The following ANKRD30A variants were observed in gnomAD, a reference collection of about 807,000 sequenced individuals.
The protein encoded by ANKRD30A is ankyrin repeat domain-containing protein 30A.
A neutral mutation model predicts 166.3 loss-of-function variants in ANKRD30A; 170 were observed. The ratio of observed to expected loss-of-function variants is 1.02; its 90% CI spans 0.90 to 1.16. ANKRD30A has a LOEUF of 1.16. ANKRD30A is among the 50% of genes most tolerant of loss of function. The pLI is 0.00. For synonymous variants in ANKRD30A, 564 were observed against 508.9 expected, an observed-to-expected ratio of 1.11 and a Z score of -1.46; for missense variants, 1,630 against 1,518.0, an observed-to-expected ratio of 1.07 and a Z score of -1.23.
the ANKRD30A span, among the ~76,000 whole-genome samples, chr10:37,241,760 A>G: frequency 6.6e-6 from 1 of 152,176 alleles, no homozygotes; most frequent in Non-Finnish European, 1.5e-5. Context: ...ATCTTTCCTC[A>G]TGAAAAAATA....
At chr10:37,139,925 CT>C (rs1836986018) in intron 6 of ANKRD30A, among the ~76,000 whole-genome samples, 2 of 152,190 alleles carry the variant, frequency 1.3e-5, no homozygotes, top group Non-Finnish European at 2.9e-5. Flanking sequence ...ATGAAAATCT[CT>C]TTCTTTTGAC....
the ANKRD30A span, among the ~76,000 whole-genome samples, chr10:37,251,657 A>AG: frequency 6.6e-6 from 1 of 152,228 alleles, no homozygotes; most frequent in Non-Finnish European, 1.5e-5. Context: ...GAGAGCCTCA[A>AG]GCATAAATCA....
At chr10:37,136,460 C>T (rs888322338) in intron 5 of ANKRD30A, 147 bp from the exon 6 acceptor site, 1 of 425,904 alleles carries the variant, frequency 2.3e-6, no homozygotes, top group Non-Finnish European at 4.3e-6. Flanking sequence ...ATAGAGCTTA[C>T]AAACTTAAAG....
intron 15 of ANKRD30A, among the ~76,000 whole-genome samples, chr10:37,159,068 T>C (rs1265594630): frequency 6.6e-6 from 1 of 152,180 alleles, no homozygotes; most frequent in Non-Finnish European, 1.5e-5. Context: ...AGTCAAGCAA[T>C]CATTACTTGA....
At chr10:37,229,330 T>A (rs1843309491) in intron 34 of ANKRD30A, among the ~76,000 whole-genome samples, 1 of 151,940 alleles carries the variant, frequency 6.6e-6, no homozygotes, top group South Asian at 2.1e-4. Context: ...CATGTTATTA[T>A]TTTTTTAATG....
chr10:37,257,063 T>TAAC, the ANKRD30A span, among the ~76,000 whole-genome samples: 1 of 152,094 alleles, frequency 6.6e-6, no homozygotes, highest in Non-Finnish European at 1.5e-5. Context: ...ATACTGGTTC[T>TAAC]ATTTCAGAAC....
chr10:37,129,268 G>A (rs1306708703), intron 1 of ANKRD30A, among the ~76,000 whole-genome samples: 1 of 152,042 alleles, frequency 6.6e-6, no homozygotes, highest in Non-Finnish European at 1.5e-5. Flanking sequence ...TTAAATTTCT[G>A]CCAAATATAG....
chr10:37,244,437 A>G, the ANKRD30A span, among the ~76,000 whole-genome samples: 1 of 151,980 alleles, frequency 6.6e-6, no homozygotes, highest in African/African-American at 2.4e-5. Context: ...GAACATTTAA[A>G]CTCCTCATAG....
At chr10:37,194,790 AAC>A (rs1378412387) in intron 27 of ANKRD30A, among the ~76,000 whole-genome samples, 1 of 152,164 alleles carries the variant, frequency 6.6e-6, no homozygotes, top group Non-Finnish European at 1.5e-5. Context: ...TTAACTCTAA[AAC>A]ACATTTAATT....
chr10:37,159,857 GC>G (rs1838713561), intron 15 of ANKRD30A, among the ~76,000 whole-genome samples: 1 of 152,044 alleles, frequency 6.6e-6, no homozygotes, highest in Non-Finnish European at 1.5e-5. Flanking sequence ...ACCATGCCCG[GC>G]TAATGTTTTG....
Position 37,141,920 on chromosome 10 carries a change from T to A in ANKRD30A, c.1023T>A (p.Cys341Ter). Residue 341 changes from cysteine to a stop codon, truncating the protein, a stop_gained, in exon 7 of 36, where the codon TGT (cysteine) becomes TGA (stop). Transcript: ENST00000361713. LOFTEE classifies it high-confidence loss of function. Reference sequence around the variant, plus strand: ...AGGGAACATCTGACAAAATTCAATGTTTGGAGAAAGCGACATCTGGAAAGT... The same window carrying A: ...AGGGAACATCTGACAAAATTCAATGATTGGAGAAAGCGACATCTGGAAAGT... ...LVEGTSDKIQ[C>*]LEKATSGKFE... The A allele has an allele frequency of 6.2e-7, 1 of 1,614,168 alleles. No individual in the cohort carries two copies. The highest frequency in any genetic ancestry group is 2.2e-5 in the East Asian group (1 of 44,868).
intron 1 of ANKRD30A, among the ~76,000 whole-genome samples, chr10:37,127,589 A>G (rs1373871583): frequency 2.0e-5 from 3 of 152,174 alleles, no homozygotes; most frequent in South Asian, 2.1e-4. Flanking sequence ...AAAACCCTCT[A>G]ATTTAAAATT....
chr10:37,192,527 T>C (rs1285294731), intron 25 of ANKRD30A, among the ~76,000 whole-genome samples: 2 of 152,088 alleles, frequency 1.3e-5, no homozygotes, highest in African/African-American at 4.8e-5. Context: ...TAGAACATTC[T>C]CTGCAATGAT....
intron 7 of ANKRD30A, among the ~76,000 whole-genome samples, chr10:37,142,956 T>TGGAAGG (rs1837254913): frequency 6.6e-6 from 1 of 152,168 alleles, no homozygotes; most frequent in African/African-American, 2.4e-5. Flanking sequence ...ATTTAAAGGC[T>TGGAAGG]GGAAGGGCTG....
chr10:37,215,755 T>C (rs760497159), intron 31 of ANKRD30A, among the ~76,000 whole-genome samples: 1 of 151,554 alleles, frequency 6.6e-6, no homozygotes, highest in Non-Finnish European at 1.5e-5. Context: ...CATTGTTCTC[T>C]TTTGGCTGGG....
chr10:37,135,677 G>A (rs1836639369), intron 5 of ANKRD30A, among the ~76,000 whole-genome samples: 1 of 152,154 alleles, frequency 6.6e-6, no homozygotes, highest in South Asian at 2.1e-4. Context: ...TCAGGTTTAA[G>A]GAGGTAAATA....
At chr10:37,251,750 G>T in the ANKRD30A span, among the ~76,000 whole-genome samples, 1 of 152,144 alleles carries the variant, frequency 6.6e-6, no homozygotes, top group Non-Finnish European at 1.5e-5. Context: ...TCATTCACTA[G>T]AATGCTTCCA....
At chr10:37,207,011 T>G (rs1326693710) in intron 31 of ANKRD30A, among the ~76,000 whole-genome samples, 1 of 152,174 alleles carries the variant, frequency 6.6e-6, no homozygotes, top group Non-Finnish European at 1.5e-5. Context: ...GAAAGTTTTT[T>G]ATACATTATT....
intron 31 of ANKRD30A, among the ~76,000 whole-genome samples, chr10:37,203,231 C>T (rs938940938): frequency 1.3e-4 from 20 of 152,170 alleles, no homozygotes; most frequent in African/African-American, 4.6e-4. Context: ...ATGCAAAAAT[C>T]CTCAATAAAA....
Sources: gnomAD v4.1 joint callset for allele counts (sites outside exome capture counted in the v4.1 genomes callset) on GRCh38, gnomAD v4.1.1 for gene constraint, MANE v1.5 for transcripts, NCBI Gene and HGNC (gene_info 2026-07-23, HGNC 2026-07-21) for gene names.